Variants in BIRC6 observed in about 807,000 individuals in gnomAD.
BIRC6 encodes the protein baculoviral IAP repeat containing 6.
Under a neutral mutation model 503.3 loss-of-function variants are expected in BIRC6, and 98 were observed. The observed-to-expected ratio is 0.19, with a 90% confidence interval of 0.17 to 0.23. The LOEUF is 0.23. Among genes scored for constraint, BIRC6 ranks in the 10% least tolerant of loss-of-function variants. BIRC6 has a pLI of 1.00. For synonymous variants in BIRC6, 2,240 were observed against 2,078.7 expected (o/e 1.08, Z -2.11); for missense variants, 5,360 against 5,806.0 (o/e 0.92, Z 2.50).
At chr2:32,607,668 T>A in intron 72 of BIRC6, 25 bp downstream of exon 72, 1 of 1,567,578 alleles carries the variant, frequency 6.4e-7, no homozygotes, top group Non-Finnish European at 8.7e-7. Flanking sequence ...ATTAGTGAAA[T>A]ACTTTGTTAA....
At chr2:32,520,918 G>C (rs541084918) in intron 57 of BIRC6, among the ~76,000 whole-genome samples, 1 of 152,168 alleles carries the variant, frequency 6.6e-6, no homozygotes, top group South Asian at 2.1e-4. Flanking sequence ...AAGTGCAAAA[G>C]TAGACATTCT....
At chr2:32,409,473 T>G (rs2041617093) in intron 9 of BIRC6, among the ~76,000 whole-genome samples, 1 of 152,174 alleles carries the variant, frequency 6.6e-6, no homozygotes, top group African/African-American at 2.4e-5. Flanking sequence ...ATATATTTCT[T>G]AATTTCAAAA....
chr2:32,528,833 G>T (rs2056497386), intron 59 of BIRC6: 1 of 151,820 alleles, frequency 6.6e-6, no homozygotes, highest in African/African-American at 2.4e-5. Flanking sequence ...TTACCTTAAG[G>T]CTATGTATAT....
intron 66 of BIRC6, among the ~76,000 whole-genome samples, chr2:32,578,223 G>T (rs2060397065): frequency 6.6e-6 from 1 of 151,998 alleles, no homozygotes; most frequent in Non-Finnish European, 1.5e-5. Flanking sequence ...TTCTTTTCCA[G>T]TTGTCACAAC....
intron 56 of BIRC6, 130 bp from the exon 57 acceptor site, chr2:32,518,687 C>A: frequency 8.8e-7 from 1 of 1,134,006 alleles, no homozygotes; most frequent in Middle Eastern, 2.7e-4. Context: ...GGCAACTATG[C>A]CATATCTAAA....
At chr2:32,390,232 A>G (rs529997093) in intron 4 of BIRC6, among the ~76,000 whole-genome samples, 1 of 151,758 alleles carries the variant, frequency 6.6e-6, no homozygotes, top group African/African-American at 2.4e-5. Context: ...GTTCAGTGGC[A>G]TGATCTTGGC....
intron 61 of BIRC6, among the ~76,000 whole-genome samples, chr2:32,536,994 C>T (rs897362301): frequency 2.0e-4 from 31 of 152,160 alleles, no homozygotes; most frequent in African/African-American, 7.5e-4. Flanking sequence ...GTAAGTTGGA[C>T]TCCTAGGTAT....
rs2033300955 is a variant in BIRC6, at chr2:32,357,637, G to C, written c.325+151G>C. ...GTGAAGGGAGGCCCGGAAGCTGATG[G>C]AGGGGGACCTTAGGACTTGGCTTTT... On this transcript the variant is annotated intron_variant, in intron 1 of 73. Transcript: ENST00000421745. This position sits in a 1 kb window ranked among gnomAD's most constrained non-coding sequence, Gnocchi z 4.9. Among the ~76,000 whole-genome samples, 1 of 152,208 alleles carries C rather than the reference G, an allele frequency of 6.6e-6. No homozygotes were observed. The highest frequency in any genetic ancestry group is 1.5e-5 in the Non-Finnish European group (1 of 68,020).
chr2:32,503,721 C>T (rs763744450), intron 49 of BIRC6, among the ~76,000 whole-genome samples: 5 of 151,614 alleles, frequency 3.3e-5, no homozygotes, highest in Non-Finnish European at 5.9e-5. Context: ...CATGCCTGGC[C>T]GAGAGGGAAT....
rs769566182 is a variant in BIRC6 at position 32,463,151 on chromosome 2, C to T, written c.4754-43C>T. The T allele has an allele frequency of 5.4e-6, 8 of 1,487,402 alleles. No homozygotes were observed. In the Admixed American group the frequency reaches 1.1e-4, roughly 21 times the overall value. 92.1% of individuals were successfully genotyped at this position (1,487,402 alleles called of 1,614,324 possible). A position where few individuals can be genotyped will look rare whatever the true frequency, so the allele number is the denominator to read the frequency against. ...TTTTGTCTTTAACCTTTTCTTCATC[C>T]TGGTGTTTTTTGTTTTTGTTTTTAC... On this transcript the variant is annotated intron_variant, in intron 23 of 73. Coordinates refer to ENST00000421745, the MANE Select transcript of BIRC6 (RefSeq NM_016252.4).
chr2:32,509,440 A>G (rs562461872), intron 51 of BIRC6, among the ~76,000 whole-genome samples: 1 of 152,186 alleles, frequency 6.6e-6, no homozygotes, highest in East Asian at 1.9e-4. Context: ...TTTTTAGTAG[A>G]TAAGGGGTTT....
intron 68 of BIRC6, 30 bp downstream of exon 68, chr2:32,595,174 T>TC: frequency 4.3e-6 from 6 of 1,392,566 alleles, no homozygotes; most frequent in Non-Finnish European, 5.9e-6. Context: ...TTGCTTAAGA[T>TC]CTCACTTTCC....
chr2:32,445,531 T>C lies in BIRC6; in HGVS notation c.4347T>C (p.Tyr1449=), dbSNP rs933903704. ...LPAATTGGSV[Y]WYFVLLNYVK... ...TTTTATTGTTTCCAGGTTCTGTCTA[T>C]TGGTATTTTGTCTTACTGAATTATG... The change falls in exon 21 of 74, where the codon TAT becomes TAC. Residue 1449 remains tyrosine (Y), a synonymous_variant. Coordinates refer to ENST00000421745, the MANE Select transcript of BIRC6 (RefSeq NM_016252.4). The C allele has an allele frequency of 7.0e-6, 11 of 1,574,816 alleles. No homozygotes were observed. The African/African-American group carries it at 1.5e-4, about 21-fold the overall frequency.
At chr2:32,386,403 G>A (rs529514299) in intron 3 of BIRC6, among the ~76,000 whole-genome samples, 5 of 151,838 alleles carry the variant, frequency 3.3e-5, no homozygotes, top group South Asian at 2.1e-4. Flanking sequence ...TAAAGGGGAC[G>A]AGGTCATTTG....
chr2:32,381,796 G>A (rs1270823151), intron 3 of BIRC6, among the ~76,000 whole-genome samples: 1 of 151,894 alleles, frequency 6.6e-6, no homozygotes, highest in Non-Finnish European at 1.5e-5. Context: ...CACCCATCTC[G>A]GCCTCCCAAA....
chr2:32,531,560 A>C lies in BIRC6; in HGVS notation c.12291+9A>C. ...CAGAAGTAATTCAACAGGTAAGATAAGATTTCCTAATCGAGTATATCATTC... is the reference window on the plus strand; with the variant it reads ...CAGAAGTAATTCAACAGGTAAGATACGATTTCCTAATCGAGTATATCATTC... On this transcript the variant is annotated intron_variant, in intron 61 of 73. Transcript: ENST00000421745. 6.3e-7 allele frequency: 1 copy of C among 1,597,956 alleles called. No individual in the cohort carries two copies. The highest frequency in any genetic ancestry group is 1.1e-5 in the South Asian group (1 of 88,866).
chr2:32,526,179 A>G, intron 59 of BIRC6, among the ~76,000 whole-genome samples: 1 of 152,172 alleles, frequency 6.6e-6, no homozygotes. Flanking sequence ...TACAGTCTAA[A>G]CACAGGCACA....
chr2:32,577,029 C>A (rs572413357), intron 66 of BIRC6, among the ~76,000 whole-genome samples: 1 of 151,944 alleles, frequency 6.6e-6, no homozygotes, highest in African/African-American at 2.4e-5. Context: ...TGTGGCCCCC[C>A]CCAGAATCTT....
chr2:32,611,468 C>T lies in BIRC6; in HGVS notation c.14280C>T (p.Tyr4760=), dbSNP rs2062869718. 4.4e-6 allele frequency: 7 copies of T among 1,607,302 alleles called. No homozygotes were observed. The highest frequency in any genetic ancestry group is 2.2e-5 in the East Asian group (1 of 44,640). ...CFKEVIHKHF[Y]LKRVEIMAQC... ...TCAAGGTAATACACAAACATTTTTA[C>T]TTGAAAAGAGTTGAGATAATGGCCC... The change falls in exon 73 of 74, where the codon TAC becomes TAT. Residue 4760 remains tyrosine (Y), a synonymous_variant. Coordinates refer to ENST00000421745, the MANE Select transcript of BIRC6 (RefSeq NM_016252.4).
Sources: allele counts gnomAD v4.1 joint callset (sites outside exome capture counted in the v4.1 genomes callset), GRCh38; gene constraint gnomAD v4.1.1; non-coding constraint Gnocchi (gnomAD v3.1); transcripts MANE v1.5; gene names NCBI Gene and HGNC (gene_info 2026-07-23, HGNC 2026-07-21).